MYOCD: variants seen among roughly 807,000 people sequenced by gnomAD.
MYOCD encodes the protein myocardin.
Under a neutral mutation model 96.1 loss-of-function variants are expected in MYOCD, and 32 were observed. The observed-to-expected ratio is 0.33, with a 90% CI of 0.25 to 0.45. The LOEUF (loss-of-function observed/expected upper bound fraction) is 0.45, where lower values mean the gene tolerates loss of function less well. MYOCD is among the 20% of genes least tolerant of loss of function. MYOCD has a pLI of 1.00. For synonymous variants in MYOCD, 469 were observed against 469.0 expected, an observed-to-expected ratio of 1.00 and a Z score of 0.00; for missense variants, 1,133 against 1,200.6, an observed-to-expected ratio of 0.94 and a Z score of 0.83.
intron 10 of MYOCD, among the ~76,000 whole-genome samples, chr17:12,754,414 C>G (rs568235218): frequency 6.6e-6 from 1 of 152,258 alleles, no homozygotes; most frequent in South Asian, 2.1e-4. Flanking sequence ...AAATTTGCAA[C>G]TTTAAATAGA....
intron 5 of MYOCD, among the ~76,000 whole-genome samples, chr17:12,734,440 C>T (rs1254941037): frequency 6.6e-6 from 1 of 151,258 alleles, no homozygotes; most frequent in Non-Finnish European, 1.5e-5. Context: ...CACTTAACCC[C>T]CTAACCCCCA....
At chr17:12,739,757 T>G (rs11658081) in intron 7 of MYOCD, among the ~76,000 whole-genome samples, 148,092 of 152,284 alleles carry the variant, frequency 0.97, 72,125 homozygotes, top group East Asian at 1. Context: ...CCAGTCTTCC[T>G]ATGGAAATAA....
At chr17:12,728,862 G>A (rs1286290635) in intron 5 of MYOCD, among the ~76,000 whole-genome samples, 2 of 152,180 alleles carry the variant, frequency 1.3e-5, no homozygotes, top group African/African-American at 2.4e-5. Context: ...CACCATGACC[G>A]TTTCATGTAG....
intron 4 of MYOCD, among the ~76,000 whole-genome samples, chr17:12,717,702 T>C (rs2031692606): frequency 1.3e-5 from 2 of 152,178 alleles, no homozygotes; most frequent in Non-Finnish European, 2.9e-5. Context: ...TAGGAGTGCA[T>C]GGAACACGTC....
chr17:12,691,108 G>A (rs896959102), intron 1 of MYOCD, among the ~76,000 whole-genome samples: 9 of 152,084 alleles, frequency 5.9e-5, no homozygotes, highest in Non-Finnish European at 7.4e-5. Context: ...CATTTTCACC[G>A]TTCCCTAGCA....
chr17:12,720,270 C>T (rs548621065), intron 4 of MYOCD: 1 of 152,202 alleles, frequency 6.6e-6, no homozygotes, highest in South Asian at 2.1e-4. Context: ...TCAATCACCG[C>T]CTCCTCAAGC....
At chr17:12,712,479 AC>A (rs2031510538) in intron 2 of MYOCD, among the ~76,000 whole-genome samples, 1 of 152,204 alleles carries the variant, frequency 6.6e-6, no homozygotes, top group African/African-American at 2.4e-5. Context: ...CTGTGGTTCC[AC>A]GACCTGTCTT....
At chr17:12,740,109 G>C (rs926523462) in intron 7 of MYOCD, among the ~76,000 whole-genome samples, 14 of 151,940 alleles carry the variant, frequency 9.2e-5, no homozygotes, top group Admixed American at 6.6e-5. Flanking sequence ...CTAATTTTTT[G>C]TGTTTTTCAT....
chr17:12,680,872 CT>C (rs545397330), intron 1 of MYOCD, among the ~76,000 whole-genome samples: 21 of 152,314 alleles, frequency 1.4e-4, no homozygotes, highest in African/African-American at 4.8e-4. Context: ...CTTCCCAGTC[CT>C]CCCTGACTTG....
At position 12,752,670 on chromosome 17, in the gene MYOCD, C is replaced by T. The variant is rs2032886488; in HGVS notation, c.1382C>T (p.Ala461Val). The T allele has an allele frequency of 2.5e-6, 4 of 1,614,154 alleles. No individual in the cohort carries two copies. The East Asian group carries it at 8.9e-5, about 36-fold the overall frequency. Residue 461 changes from alanine (A) to valine (V), a missense_variant, in exon 10 of 14, where the codon GCC (alanine) becomes GTC (valine). Coordinates refer to ENST00000425538, the MANE Select transcript of MYOCD (RefSeq NM_001146312.3). ...STSSSPPISP[A>V]SSDLSVAGSL... Reference sequence around the variant, plus strand: ...AGCTCCAGCCCCCCGATCTCCCCAGCCTCCTCTGACCTGTCAGTCGCTGGG... The same window carrying T: ...AGCTCCAGCCCCCCGATCTCCCCAGTCTCCTCTGACCTGTCAGTCGCTGGG...
intron 5 of MYOCD, among the ~76,000 whole-genome samples, chr17:12,729,877 G>GTA (rs2032114163): frequency 6.6e-6 from 1 of 152,152 alleles, no homozygotes; most frequent in Non-Finnish European, 1.5e-5. Flanking sequence ...CGCAGGGCAG[G>GTA]TATTTACACA....
chr17:12,741,450 G>GT (rs1272171208), intron 7 of MYOCD, among the ~76,000 whole-genome samples: 1 of 152,222 alleles, frequency 6.6e-6, no homozygotes, highest in Non-Finnish European at 1.5e-5. Context: ...GCTCACGCCT[G>GT]TAATCCCAGC....
At chr17:12,722,181 C>A (rs1026233922) in intron 4 of MYOCD, among the ~76,000 whole-genome samples, 1 of 152,166 alleles carries the variant, frequency 6.6e-6, no homozygotes, top group Non-Finnish European at 1.5e-5. Context: ...CTTCTGAGTT[C>A]TTCCACAGAA....
rs1158297510 is a variant in MYOCD, at chr17:12,765,821, G to A, written c.*2177G>A. 4 of 152,202 alleles carry A rather than the reference G, an allele frequency of 2.6e-5. No homozygotes were observed. Among genetic ancestry groups the A allele is most frequent in the Non-Finnish European group, 5.9e-5 (4 of 68,038 alleles). 9.4% of individuals were successfully genotyped at this position (152,202 alleles called of 1,614,324 possible). ...AATATGGATGTGAAAAGACAGAACA[G>A]CTTCACCATTAGTAGCTGGAAATGG... On this transcript the variant is annotated 3_prime_UTR_variant, in exon 14 of 14. Coordinates refer to ENST00000425538, the MANE Select transcript of MYOCD (RefSeq NM_001146312.3).
intron 1 of MYOCD, among the ~76,000 whole-genome samples, chr17:12,675,140 T>G (rs774468793): frequency 6.6e-6 from 1 of 152,222 alleles, no homozygotes; most frequent in Non-Finnish European, 1.5e-5. Flanking sequence ...ATATGAAATA[T>G]ACTCAACTCA....
chr17:12,666,229 G>GC lies in MYOCD; in HGVS notation c.42dup (p.Lys15GlnfsTer21). The GC allele has an allele frequency of 6.2e-7, 1 of 1,613,066 alleles. No homozygotes were observed. The highest frequency in any genetic ancestry group is 8.5e-7 in the Non-Finnish European group (1 of 1,179,086). On this transcript the variant is annotated frameshift_variant, in exon 1 of 14. Coordinates refer to ENST00000425538, the MANE Select transcript of MYOCD (RefSeq NM_001146312.3). LOFTEE classifies it high-confidence loss of function. ...TCTGAGCATTCCTTGCTGATTAGGAGCAAGTTCAGATCAGGTAGGGCTAAG... is the reference window on the plus strand; with the variant it reads ...TCTGAGCATTCCTTGCTGATTAGGAGCCAAGTTCAGATCAGGTAGGGCTAAG...
intron 5 of MYOCD, among the ~76,000 whole-genome samples, chr17:12,726,030 C>T (rs569110283): frequency 2.0e-5 from 3 of 152,174 alleles, no homozygotes; most frequent in African/African-American, 7.2e-5. Context: ...CTAGAAATTG[C>T]TAGTATTTTA....
Position 12,749,727 on chromosome 17 carries a change from G to GTGTA in MYOCD, c.1126-2686_1126-2685insGTAT, listed in dbSNP as rs2032787851. On this transcript the variant is annotated intron_variant, in intron 9 of 13. Coordinates refer to ENST00000425538, the MANE Select transcript of MYOCD (RefSeq NM_001146312.3). ...CATATGTGTATATATATGTGTGTGT[G>GTGTA]TATATATATATATGATTTCAGTGAT... Among the ~76,000 whole-genome samples the GTGTA allele has an allele frequency of 3.7e-5, 5 of 133,658 alleles. No individual in the cohort carries two copies. The Admixed American group carries it at 3.9e-4, about 10-fold the overall frequency. The allele number at this position is 133,658 out of a possible 152,430, so 87.7% of individuals were successfully genotyped here.
chr17:12,760,597 C>T (rs373206633), intron 12 of MYOCD, 53 bp from the exon 13 acceptor site: 95 of 1,441,858 alleles, frequency 6.6e-5, no homozygotes, highest in East Asian at 1.6e-4. Flanking sequence ...TGATTTCCTA[C>T]GGAGATAACC....
Sources: gnomAD v4.1 joint callset for allele counts (sites outside exome capture counted in the v4.1 genomes callset) on GRCh38, gnomAD v4.1.1 for gene constraint, MANE v1.5 for transcripts, NCBI Gene and HGNC (gene_info 2026-07-23, HGNC 2026-07-21) for gene names.